The following PCNP variants were observed in gnomAD, a reference collection of about 807,000 sequenced individuals.
PCNP encodes the protein PEST proteolytic signal containing nuclear protein.
PCNP carries 6 observed loss-of-function variants against 21.8 expected under a neutral mutation model. That is an observed-to-expected ratio of 0.28 (90% CI 0.15 to 0.54). PCNP has a LOEUF of 0.54. Among genes scored for constraint, PCNP ranks in the 20% least tolerant of loss-of-function variants. PCNP has a pLI of 0.95. For missense variants in PCNP, 161 were observed against 215.5 expected, an observed-to-expected ratio of 0.75 and a Z score of 1.58; for synonymous variants, 67 against 73.2, an observed-to-expected ratio of 0.92 and a Z score of 0.43.
In PCNP at chr3:101,579,909, C is replaced by T; in HGVS notation, c.184C>T (p.Pro62Ser). ...AGCTGAAGAAGAAGCTGCCGACCTCCCAACAAAGCCTACAAAGATCTCCAA... is the reference window on the plus strand; with the variant it reads ...AGCTGAAGAAGAAGCTGCCGACCTCTCAACAAAGCCTACAAAGATCTCCAA... ...RSAEEEAADL[P>S]TKPTKISKFG... Residue 62 changes from proline (P) to serine (S), a missense_variant, in exon 2 of 5, where the codon CCA becomes TCA. Physicochemically the swap from Pro to Ser is moderately conservative, Grantham distance 74. Around this residue, in one of 4 missense-constraint regions of PCNP, gnomAD observed 46 missense variants for 39.3 expected, o/e 1.17. Transcript: ENST00000265260. The T allele has an allele frequency of 6.2e-7, 1 of 1,614,054 alleles. No individual in the cohort carries two copies. The highest frequency in any genetic ancestry group is 8.5e-7 in the Non-Finnish European group (1 of 1,179,918).
rs754069963 is a variant in PCNP, at chr3:101,574,188, G to A, written c.-28G>A. On this transcript the variant is annotated 5_prime_UTR_variant, in exon 1 of 5. Coordinates refer to ENST00000265260, the MANE Select transcript of PCNP (RefSeq NM_020357.3). Reference sequence around the variant, plus strand: ...GGCGGGGTCGTGACGTCCTTGGCGTGGCTGCAGGGGAGGCCGCGGCGGGGA... The same window carrying A: ...GGCGGGGTCGTGACGTCCTTGGCGTAGCTGCAGGGGAGGCCGCGGCGGGGA... The A allele has an allele frequency of 4.2e-5, 65 of 1,547,682 alleles. No individual in the cohort carries two copies. The highest frequency in any genetic ancestry group is 5.5e-5 in the Non-Finnish European group (63 of 1,144,906).
At chr3:101,589,166 T>C (rs1935678803) in intron 3 of PCNP, among the ~76,000 whole-genome samples, 1 of 152,122 alleles carries the variant, frequency 6.6e-6, no homozygotes, top group Admixed American at 6.6e-5. Context: ...AGCTTCTTAT[T>C]ATCACATTTA....
intron 4 of PCNP, among the ~76,000 whole-genome samples, chr3:101,591,766 G>GTTT (rs149888934): frequency 2.0e-5 from 2 of 102,292 alleles, no homozygotes; most frequent in Non-Finnish European, 1.9e-5. Context: ...TGATTTTGGT[G>GTTT]TTTTTTTTTT....
chr3:101,574,158 T>C, upstream of PCNP: 2 of 1,531,724 alleles, frequency 1.3e-6, no homozygotes, highest in Non-Finnish European at 1.8e-6. Flanking sequence ...ACTCGATGGT[T>C]GTTGGGCGGG....
At chr3:101,591,740 TTTTG>T (rs2108294206) in intron 4 of PCNP, among the ~76,000 whole-genome samples, 1 of 150,418 alleles carries the variant, frequency 6.6e-6, no homozygotes, top group East Asian at 1.9e-4. Flanking sequence ...CAACAGGTTT[TTTTG>T]TTTTTTTGTT....
intron 4 of PCNP, among the ~76,000 whole-genome samples, chr3:101,591,554 C>T (rs985107010): frequency 1.3e-5 from 2 of 152,192 alleles, no homozygotes; most frequent in Admixed American, 1.3e-4. Context: ...CCCGCCTAAA[C>T]ACCCAGCACA....
rs1184064688 is a variant in PCNP, at chr3:101,593,412, C to T, written c.*659C>T. 6.6e-6 allele frequency: 1 copy of T among 152,376 alleles called. No individual in the cohort carries two copies. The highest frequency in any genetic ancestry group is 1.5e-5 in the Non-Finnish European group (1 of 67,966). The allele number at this position is 152,376 out of a possible 1,614,324, so 9.4% of individuals were successfully genotyped here. ...ATGGGTCTTGTCTATCTTCATTAGTCTTCAAAGAAAAACCATTTGCTACCA... is the reference window on the plus strand; with the variant it reads ...ATGGGTCTTGTCTATCTTCATTAGTTTTCAAAGAAAAACCATTTGCTACCA... On this transcript the variant is annotated 3_prime_UTR_variant, in exon 5 of 5. Coordinates refer to ENST00000265260, the MANE Select transcript of PCNP (RefSeq NM_020357.3).
chr3:101,579,572 T>C (rs778947419), intron 1 of PCNP: 10 of 687,920 alleles, frequency 1.5e-5, no homozygotes, highest in Middle Eastern at 4.7e-4. Context: ...TTTAAATTGC[T>C]CTGTATTTTA....
At chr3:101,589,464 G>C (rs1935695513) in intron 3 of PCNP, among the ~76,000 whole-genome samples, 1 of 149,990 alleles carries the variant, frequency 6.7e-6, no homozygotes. Context: ...AGGCTGGAGT[G>C]CAGTGGCACG....
intron 1 of PCNP, chr3:101,575,011 T>C (rs1934789271): frequency 6.6e-6 from 1 of 152,236 alleles, no homozygotes; most frequent in Non-Finnish European, 1.5e-5. Flanking sequence ...GGCGACTAAA[T>C]AGTCTAGCGT....
intron 1 of PCNP, chr3:101,574,856 G>C (rs1934778063): frequency 6.6e-6 from 1 of 152,488 alleles, no homozygotes. Context: ...CCCTGTGACA[G>C]GATGGGCCGA....
intron 1 of PCNP, chr3:101,576,473 G>A: frequency 6.5e-7 from 1 of 1,527,404 alleles, no homozygotes; most frequent in South Asian, 1.1e-5. Context: ...TTTATTAACA[G>A]ACAAGGCCTA....
intron 1 of PCNP, among the ~76,000 whole-genome samples, 191 bp downstream of exon 1, chr3:101,574,470 C>T (rs1934747978): frequency 6.6e-6 from 1 of 152,190 alleles, no homozygotes; most frequent in Non-Finnish European, 1.5e-5. Flanking sequence ...CGCCTCCTTG[C>T]CTGGGGAGAG....
chr3:101,592,788 A>C lies in PCNP; in HGVS notation c.*35A>C, dbSNP rs747246652. 1.8e-5 allele frequency: 29 copies of C among 1,592,298 alleles called. No individual in the cohort carries two copies. Among genetic ancestry groups the C allele is most frequent in the Non-Finnish European group, 2.5e-5 (29 of 1,169,780 alleles). Reference sequence around the variant, plus strand: ...TGAAATTGGGGTGTGGGGTGGGTGTAAAGTTAAAAGGAACAGTTTCCTTTT... The same window carrying C: ...TGAAATTGGGGTGTGGGGTGGGTGTCAAGTTAAAAGGAACAGTTTCCTTTT... On this transcript the variant is annotated 3_prime_UTR_variant, in exon 5 of 5. Coordinates refer to ENST00000265260, the MANE Select transcript of PCNP (RefSeq NM_020357.3).
chr3:101,592,845 C>A lies in PCNP; in HGVS notation c.*92C>A. 4.4e-6 allele frequency: 5 copies of A among 1,132,696 alleles called. No homozygotes were observed. The highest frequency in any genetic ancestry group is 5.9e-6 in the Non-Finnish European group (5 of 841,344). The allele number at this position is 1,132,696 out of a possible 1,614,324, so 70.2% of individuals were successfully genotyped here. On this transcript the variant is annotated 3_prime_UTR_variant, in exon 5 of 5. Transcript: ENST00000265260. ...AATGGTATAAGACTATCTTTGGAGC[C>A]GCTTTTTTTTTCTTTTTCATTTTTT...
intron 1 of PCNP, among the ~76,000 whole-genome samples, chr3:101,575,469 A>G (rs902897753): frequency 2.7e-5 from 4 of 146,198 alleles, no homozygotes; most frequent in Non-Finnish European, 6.0e-5. Flanking sequence ...TTCCCTCCCC[A>G]CCCCCTGTCT....
At chr3:101,588,856 A>C (rs1357564922) in intron 3 of PCNP, among the ~76,000 whole-genome samples, 1 of 152,270 alleles carries the variant, frequency 6.6e-6, no homozygotes, top group Non-Finnish European at 1.5e-5. Context: ...ACATGCTATC[A>C]ATATGCCCCA....
chr3:101,576,958 C>G (rs569559379), intron 1 of PCNP: 2 of 1,315,584 alleles, frequency 1.5e-6, no homozygotes, highest in South Asian at 1.2e-5. Context: ...GGCGGCAGCA[C>G]AAGCGGCGGC....
At chr3:101,578,900 A>C (rs949056257) in intron 1 of PCNP, among the ~76,000 whole-genome samples, 1 of 152,194 alleles carries the variant, frequency 6.6e-6, no homozygotes, top group African/African-American at 2.4e-5. Context: ...TAAAAGTTTT[A>C]ATCATCAGCC....
Sources: allele counts gnomAD v4.1 joint callset (sites outside exome capture counted in the v4.1 genomes callset), GRCh38; gene constraint gnomAD v4.1.1; regional missense constraint gnomAD v4.1.1; transcripts MANE v1.5; gene names NCBI Gene and HGNC (gene_info 2026-07-23, HGNC 2026-07-21).